PSORS1C1: variants seen among roughly 807,000 people sequenced by gnomAD.
The protein encoded by PSORS1C1 is psoriasis susceptibility 1 candidate gene 1 protein.
In PSORS1C1, 7 loss-of-function variants were observed where a neutral mutation model predicts 9.4. That is an observed-to-expected ratio of 0.75 (90% CI 0.42 to 1.40). PSORS1C1 has a LOEUF of 1.40. Among genes scored for constraint, PSORS1C1 ranks in the 40% most tolerant of loss-of-function variants. PSORS1C1 has a pLI of 0.01. For missense variants in PSORS1C1, 146 were observed against 178.1 expected, an observed-to-expected ratio of 0.82 and a Z score of 1.02; for synonymous variants, 63 against 69.4, an observed-to-expected ratio of 0.91 and a Z score of 0.46.
At chr6:31,122,295 G>A (rs1318088405) in intron 1 of PSORS1C1, among the ~76,000 whole-genome samples, 2 of 152,190 alleles carry the variant, frequency 1.3e-5, no homozygotes, top group African/African-American at 4.8e-5. Flanking sequence ...CCAGCAAATG[G>A]AGCCCTGCAG....
intron 1 of PSORS1C1, among the ~76,000 whole-genome samples, chr6:31,121,174 G>GGT (rs1554340532): frequency 1.8e-5 from 1 of 54,926 alleles, no homozygotes; most frequent in Non-Finnish European, 3.2e-5. Flanking sequence ...TGGCGGGGGT[G>GGT]GGGGGGTGCT....
intron 3 of PSORS1C1, among the ~76,000 whole-genome samples, chr6:31,133,130 A>G (rs1471657702): frequency 2.6e-5 from 4 of 151,930 alleles, no homozygotes; most frequent in African/African-American, 7.3e-5. Context: ...GTGATTTAGC[A>G]CTCTGGGAGT....
rs746054783 is a variant in PSORS1C1 at position 31,129,647 on chromosome 6, T to C, written c.13+2T>C. The C allele has an allele frequency of 1.5e-5, 12 of 779,814 alleles. No homozygotes were observed. Among genetic ancestry groups the C allele is most frequent in the Non-Finnish European group, 2.9e-5 (12 of 418,104 alleles). 48.3% of individuals were successfully genotyped at this position (779,814 alleles called of 1,614,324 possible). A position where few individuals can be genotyped will look rare whatever the true frequency, so the allele number is the denominator to read the frequency against. On this transcript the variant is annotated splice_donor_variant, in intron 3 of 5. Coordinates refer to ENST00000259881, the MANE Select transcript of PSORS1C1 (RefSeq NM_014068.3). LOFTEE classifies it high-confidence loss of function. The stretch of plus-strand genomic sequence containing the variant: ...GCACTTGTGATATGACTTGCACAGG[T>C]GAGTTACCTCTCTCAGTGTTGGTTC...
chr6:31,121,699 A>C (rs1038901821), intron 1 of PSORS1C1, among the ~76,000 whole-genome samples: 5 of 151,998 alleles, frequency 3.3e-5, no homozygotes, highest in African/African-American at 1.2e-4. Flanking sequence ...TCATCTCCTC[A>C]CAAAGGCAGC....
chr6:31,121,291 C>T (rs1772451341), intron 1 of PSORS1C1, among the ~76,000 whole-genome samples: 1 of 152,142 alleles, frequency 6.6e-6, no homozygotes, highest in Admixed American at 6.5e-5. Context: ...GGCTGGTAAC[C>T]CAGACCTCAA....
intron 3 of PSORS1C1, chr6:31,137,663 C>T: frequency 2.8e-6 from 1 of 361,132 alleles, no homozygotes; most frequent in Non-Finnish European, 4.9e-6. Context: ...ATCGCGCGGG[C>T]AGGAAGACCG....
Position 31,117,512 on chromosome 6 carries a change from T to G in PSORS1C1, c.-229+2621T>G, listed in dbSNP as rs760804559. 6.4e-6 allele frequency: 10 copies of G among 1,550,672 alleles called. No homozygotes were observed. Among genetic ancestry groups the G allele is most frequent in the Non-Finnish European group, 8.7e-6 (10 of 1,147,310 alleles). On this transcript the variant is annotated intron_variant, in intron 1 of 5. Transcript: ENST00000259881. ...TTACAAGGGTCTGAGAAGGTGCCAA[T>G]GCTCTTAGCCAAGGTCCCTGTGGAG... is the stretch of plus-strand genomic sequence containing the variant.
rs376368481 is a variant in PSORS1C1 at position 31,137,977 on chromosome 6, C to G, written c.14-453C>G. ...TATCTGTACTCTTCCCGGGGTGGGTCTAGGTCTGGCTCCTCCTGAGGTCGG... is the reference window on the plus strand; with the variant it reads ...TATCTGTACTCTTCCCGGGGTGGGTGTAGGTCTGGCTCCTCCTGAGGTCGG... On this transcript the variant is annotated intron_variant, in intron 3 of 5. Coordinates refer to ENST00000259881, the MANE Select transcript of PSORS1C1 (RefSeq NM_014068.3). 8.0e-6 allele frequency: 12 copies of G among 1,508,364 alleles called. No homozygotes were observed. In the African/African-American group the frequency reaches 1.7e-4, roughly 21 times the overall value. The allele number at this position is 1,508,364 out of a possible 1,614,324, so 93.4% of individuals were successfully genotyped here. A position where few individuals can be genotyped will look rare whatever the true frequency, so the allele number is the denominator to read the frequency against.
intron 3 of PSORS1C1, among the ~76,000 whole-genome samples, chr6:31,130,928 A>G (rs1772884425): frequency 6.6e-6 from 1 of 151,502 alleles, no homozygotes; most frequent in South Asian, 2.1e-4. Flanking sequence ...TCCTGAGCTC[A>G]AGCAATCTTC....
intron 1 of PSORS1C1, among the ~76,000 whole-genome samples, chr6:31,122,546 C>G (rs886432218): frequency 5.9e-5 from 9 of 152,162 alleles, no homozygotes; most frequent in African/African-American, 1.7e-4. Context: ...GAGGCCGATG[C>G]GGGCGGATCA....
chr6:31,128,716 TA>T lies in PSORS1C1; in HGVS notation c.-64-851del, dbSNP rs1772785053. Reference sequence around the variant, plus strand: ...AAGAAAAATGTACAGTAAGAGAGCTTAAGTTTATACCAAAGCGAGTCTTGGG... The same window carrying T: ...AAGAAAAATGTACAGTAAGAGAGCTTAGTTTATACCAAAGCGAGTCTTGGG... On this transcript the variant is annotated intron_variant, in intron 2 of 5. Coordinates refer to ENST00000259881, the MANE Select transcript of PSORS1C1 (RefSeq NM_014068.3). The surrounding 1 kb of genome is among the most constrained non-coding windows in gnomAD (Gnocchi z 4.3). Among the ~76,000 whole-genome samples the T allele has an allele frequency of 6.6e-6, 1 of 152,212 alleles. No homozygotes were observed.
chr6:31,129,592 C>A lies in PSORS1C1; in HGVS notation c.-41C>A, dbSNP rs374005246. On this transcript the variant is annotated 5_prime_UTR_variant, in exon 3 of 6. Coordinates refer to ENST00000259881, the MANE Select transcript of PSORS1C1 (RefSeq NM_014068.3). The stretch of plus-strand genomic sequence containing the variant: ...AGCCTGGGAAGAATTGGTTTGCAGC[C>A]AGGCAGTCCTCCATCCAGTCTTGAC... 3.8e-6 allele frequency: 3 copies of A among 779,596 alleles called. No individual in the cohort carries two copies. The highest frequency in any genetic ancestry group is 4.8e-6 in the Non-Finnish European group (2 of 417,968). The allele number at this position is 779,596 out of a possible 1,614,324, so 48.3% of individuals were successfully genotyped here.
intron 1 of PSORS1C1, among the ~76,000 whole-genome samples, chr6:31,124,476 C>G (rs1476517146): frequency 1.3e-5 from 2 of 152,176 alleles, no homozygotes; most frequent in East Asian, 3.8e-4. Context: ...CAGCTGCTAA[C>G]AAGCAAAAAT....
Position 31,139,255 on chromosome 6 carries a change from A to G in PSORS1C1, c.168-386A>G. 1.7e-6 allele frequency: 1 copy of G among 584,958 alleles called. No homozygotes were observed. Among genetic ancestry groups the G allele is most frequent in the Non-Finnish European group, 3.0e-6 (1 of 328,786 alleles). The allele number at this position is 584,958 out of a possible 1,614,324, so 36.2% of individuals were successfully genotyped here. ...CAGGACCCAGCTGCCTGCTCTCCCT[A>G]TCATGACCCAGAGCCTGCGTCACCC... On this transcript the variant is annotated intron_variant, in intron 5 of 5. Coordinates refer to ENST00000259881, the MANE Select transcript of PSORS1C1 (RefSeq NM_014068.3). This position sits in a 1 kb window ranked among gnomAD's most constrained non-coding sequence, Gnocchi z 5.2.
At chr6:31,129,174 CT>C (rs34176602) in intron 2 of PSORS1C1, among the ~76,000 whole-genome samples, 18,436 of 151,594 alleles carry the variant, frequency 0.12, 1,269 homozygotes, top group Middle Eastern at 0.24. Context: ...GTTCTAGGTT[CT>C]TTTTTTTTCA....
At chr6:31,131,109 C>T (rs1772891659) in intron 3 of PSORS1C1, among the ~76,000 whole-genome samples, 1 of 152,178 alleles carries the variant, frequency 6.6e-6, no homozygotes, top group African/African-American at 2.4e-5. Context: ...CCAAGATCTT[C>T]CCTAATTTTC....
At chr6:31,135,785 T>G (rs1022433076) in intron 3 of PSORS1C1, among the ~76,000 whole-genome samples, 1 of 152,068 alleles carries the variant, frequency 6.6e-6, no homozygotes, top group Non-Finnish European at 1.5e-5. Flanking sequence ...GCCTGTAATC[T>G]CAGCACTTTG....
At chr6:31,133,366 CCAGACATAGGGAA>C (rs3842134) in intron 3 of PSORS1C1, among the ~76,000 whole-genome samples, 19,539 of 126,100 alleles carry the variant, frequency 0.15, 1,460 homozygotes, top group African/African-American at 0.29. Context: ...GACGGCCATT[CCAGACATAGGGAA>C]CAGCACACAC....
rs756124476 is a variant in PSORS1C1 at position 31,139,767 on chromosome 6, A to G, written c.294A>G (p.Ala98=). The change falls in exon 6 of 6, where the codon GCA becomes GCG. Residue 98 remains alanine (A), a synonymous_variant. Transcript: ENST00000259881. This position sits in a 1 kb window ranked among gnomAD's most constrained non-coding sequence, Gnocchi z 5.2. ...LVPSSHPELF[A]SVLPMAPEEA... is the part of the protein sequence containing the mutation. ...CCTCTTCCCACCCAGAGCTGTTTGC[A>G]TCAGTCCTGCCAATGGCTCCGGAAG... The G allele has an allele frequency of 1.9e-6, 3 of 1,613,112 alleles. No individual in the cohort carries two copies. Among genetic ancestry groups the G allele is most frequent in the Non-Finnish European group, 2.5e-6 (3 of 1,180,034 alleles).
Sources: allele counts gnomAD v4.1 joint callset (sites outside exome capture counted in the v4.1 genomes callset), GRCh38; gene constraint gnomAD v4.1.1; non-coding constraint Gnocchi (gnomAD v3.1); transcripts MANE v1.5; gene names NCBI Gene and HGNC (gene_info 2026-07-23, HGNC 2026-07-21).